Variants in TNKS observed in about 807,000 individuals in gnomAD.
The protein encoded by TNKS is tankyrase.
TNKS carries 72 observed loss-of-function variants against 135.8 expected under a neutral mutation model. The observed-to-expected ratio is 0.53, with a 90% CI of 0.44 to 0.64. TNKS has a LOEUF of 0.64. TNKS is among the 30% of genes least tolerant of loss of function. The probability of loss-of-function intolerance (pLI) is 0.00; values close to 1 mark genes in which losing one functional copy is unlikely to be tolerated. For missense variants in TNKS, 1,769 were observed against 1,674.0 expected (o/e 1.06, Z -0.99); for synonymous variants, 849 against 649.3 (o/e 1.31, Z -4.68).
intron 17 of TNKS, among the ~76,000 whole-genome samples, chr8:9,746,880 A>ACTT (rs1585409859): frequency 1.7e-5 from 1 of 60,298 alleles, no homozygotes; most frequent in East Asian, 4.1e-4. Context: ...ACCTACTTAA[A>ACTT]CTTTTTTTTT....
At chr8:9,570,983 A>T (rs1470269292) in intron 1 of TNKS, among the ~76,000 whole-genome samples, 24 of 152,244 alleles carry the variant, frequency 1.6e-4, no homozygotes, top group Admixed American at 1.4e-3. Context: ...TAAAAAAATA[A>T]ATAAAAATCA....
At chr8:9,617,468 A>G (rs997534701) in intron 3 of TNKS, among the ~76,000 whole-genome samples, 2 of 152,226 alleles carry the variant, frequency 1.3e-5, no homozygotes, top group Non-Finnish European at 2.9e-5. Flanking sequence ...ACAGCTTTTC[A>G]GATGTGATTT....
chr8:9,633,719 T>C (rs1273770879), intron 3 of TNKS, among the ~76,000 whole-genome samples: 1 of 152,210 alleles, frequency 6.6e-6, no homozygotes, highest in Non-Finnish European at 1.5e-5. Context: ...AGCAGCAAAC[T>C]GCCATATTGT....
At chr8:9,698,644 C>T (rs1254070726) in intron 5 of TNKS, among the ~76,000 whole-genome samples, 1 of 152,128 alleles carries the variant, frequency 6.6e-6, no homozygotes, top group African/African-American at 2.4e-5. Context: ...ATTTAAAAGC[C>T]TTTATTCATT....
chr8:9,719,607 A>G (rs1182665035), intron 11 of TNKS, among the ~76,000 whole-genome samples: 1 of 152,216 alleles, frequency 6.6e-6, no homozygotes, highest in Non-Finnish European at 1.5e-5. Context: ...CTCAGGAGCC[A>G]TAAAGGCAGA....
At chr8:9,720,114 C>T (rs1230474908) in intron 11 of TNKS, among the ~76,000 whole-genome samples, 1 of 151,880 alleles carries the variant, frequency 6.6e-6, no homozygotes, top group Non-Finnish European at 1.5e-5. Context: ...AAGGGAGTAG[C>T]AGAAATGGGA....
intron 3 of TNKS, among the ~76,000 whole-genome samples, chr8:9,649,841 G>A (rs896098314): frequency 7.0e-6 from 1 of 143,526 alleles, no homozygotes; most frequent in Non-Finnish European, 1.5e-5. Flanking sequence ...ATTCCATGGT[G>A]TATATATATA....
chr8:9,644,855 C>A (rs1800857886), intron 3 of TNKS, among the ~76,000 whole-genome samples: 1 of 152,072 alleles, frequency 6.6e-6, no homozygotes, highest in Non-Finnish European at 1.5e-5. Context: ...TTCTGTTTTT[C>A]ATTTTTAGTA....
rs541556167 is a variant in TNKS at position 9,760,104 on chromosome 8, G to C, written c.3154-1412G>C. 5.3e-5 allele frequency among the ~76,000 whole-genome samples: 8 copies of C among 152,176 alleles called. No individual in the cohort carries two copies. In the South Asian group the frequency reaches 1.7e-3, roughly 32 times the overall value. ...TTAGAATATTTAGAAGAAAAAAATGGGACATCAATAACATAGTTTCCAAAT... is the reference window on the plus strand; with the variant it reads ...TTAGAATATTTAGAAGAAAAAAATGCGACATCAATAACATAGTTTCCAAAT... On this transcript the variant is annotated intron_variant, in intron 20 of 26. Coordinates refer to ENST00000310430, the MANE Select transcript of TNKS (RefSeq NM_003747.3).
At chr8:9,578,444 A>T (rs1798042686) in intron 1 of TNKS, among the ~76,000 whole-genome samples, 1 of 152,244 alleles carries the variant, frequency 6.6e-6, no homozygotes, top group African/African-American at 2.4e-5. Flanking sequence ...TCAGTTACTA[A>T]TACAAAATTG....
rs1808451676 is a variant in TNKS, at chr8:9,781,392, TCCCTCAC to T, written c.*4657_*4663del. 6.6e-6 allele frequency: 1 copy of T among 152,160 alleles called. No homozygotes were observed. Among genetic ancestry groups the T allele is most frequent in the African/African-American group, 2.4e-5 (1 of 41,420 alleles). The allele number at this position is 152,160 out of a possible 1,614,324, so 9.4% of individuals were successfully genotyped here. A position where few individuals can be genotyped will look rare whatever the true frequency, so the allele number is the denominator to read the frequency against. ...GCAGTTGAACCCTGGTAGTGGGGTGTCCCTCACACACCCGCGCACCCCTCCCAAAGTT... is the reference window on the plus strand; with the variant it reads ...GCAGTTGAACCCTGGTAGTGGGGTGTACACCCGCGCACCCCTCCCAAAGTT... On this transcript the variant is annotated 3_prime_UTR_variant, in exon 27 of 27. Transcript: ENST00000310430.
rs1805569049 is a variant in TNKS, at chr8:9,733,986, T to A, written c.2313+542T>A. Among the ~76,000 whole-genome samples, 3 of 152,170 alleles carry A rather than the reference T, an allele frequency of 2.0e-5. No individual in the cohort carries two copies. In the South Asian group the frequency reaches 6.2e-4, roughly 31 times the overall value. On this transcript the variant is annotated intron_variant, in intron 15 of 26. Transcript: ENST00000310430. ...AAACTAACTATAATTTATGCTCACT[T>A]AAAGTATATTTTTAAAAAACGACCA...
At chr8:9,611,453 G>A (rs2128763697) in intron 2 of TNKS, among the ~76,000 whole-genome samples, 1 of 152,246 alleles carries the variant, frequency 6.6e-6, no homozygotes, top group East Asian at 1.9e-4. Context: ...CAAGCAATGT[G>A]GTACTTTTTC....
chr8:9,669,810 C>G (rs1293301930), intron 3 of TNKS, among the ~76,000 whole-genome samples: 1 of 137,230 alleles, frequency 7.3e-6, no homozygotes, highest in African/African-American at 2.7e-5. Context: ...TAGCCAGTTT[C>G]AAGAGGGTTC....
intron 3 of TNKS, among the ~76,000 whole-genome samples, chr8:9,617,392 A>G (rs1473230868): frequency 6.6e-5 from 10 of 152,246 alleles, no homozygotes; most frequent in Admixed American, 6.5e-4. Context: ...CTTTTCAAGA[A>G]TATCTCTAGA....
chr8:9,733,498 A>T (rs1030333528), intron 15 of TNKS, 54 bp downstream of exon 15: 106 of 1,488,160 alleles, frequency 7.1e-5, no homozygotes, highest in Non-Finnish European at 9.1e-5. Context: ...TATTTTGGTT[A>T]TTACTTGAAA....
At chr8:9,707,124 A>G in intron 8 of TNKS, 127 bp downstream of exon 8, 1 of 800,168 alleles carries the variant, frequency 1.2e-6, no homozygotes, top group Non-Finnish European at 1.8e-6. Context: ...CTCATTTCTA[A>G]TTGTATACTT....
In TNKS at chr8:9,780,045, T is replaced by C. The variant is rs1585468300; in HGVS notation, c.*3309T>C. The stretch of plus-strand genomic sequence containing the variant: ...ATGCCTGAATATGGCAAGCAAATAA[T>C]GTAGATTAACATTCTATTATTGTAT... On this transcript the variant is annotated 3_prime_UTR_variant, in exon 27 of 27. Transcript: ENST00000310430. The C allele has an allele frequency of 6.6e-6, 1 of 152,122 alleles. No homozygotes were observed. The highest frequency in any genetic ancestry group is 2.1e-4 in the South Asian group (1 of 4,808). 9.4% of individuals were successfully genotyped at this position (152,122 alleles called of 1,614,324 possible).
At chr8:9,606,729 TTC>T (rs1165420631) in intron 2 of TNKS, among the ~76,000 whole-genome samples, 9 of 152,278 alleles carry the variant, frequency 5.9e-5, no homozygotes, top group Admixed American at 2.6e-4. Context: ...ACATTTTTCT[TTC>T]TCTCTATATG....
Sources: gnomAD v4.1 joint callset for allele counts (sites outside exome capture counted in the v4.1 genomes callset) on GRCh38, gnomAD v4.1.1 for gene constraint, MANE v1.5 for transcripts, NCBI Gene and HGNC (gene_info 2026-07-23, HGNC 2026-07-21) for gene names.